GAK: variants seen among roughly 807,000 people sequenced by gnomAD.
GAK encodes cyclin G associated kinase, also known as cyclin-G-associated kinase.
Under a neutral mutation model 143.9 loss-of-function variants are expected in GAK, and 79 were observed. That is an observed-to-expected ratio of 0.55 (90% confidence interval 0.46 to 0.66). GAK has a LOEUF of 0.66. GAK is among the 30% of genes least tolerant of loss of function. The probability of loss-of-function intolerance (pLI) is 0.00; values close to 1 mark genes in which losing one functional copy is unlikely to be tolerated. For synonymous variants in GAK, 881 were observed against 765.5 expected (o/e 1.15, Z -2.49); for missense variants, 1,693 against 1,779.7 (o/e 0.95, Z 0.88).
intron 3 of GAK, chr4:912,276 C>G: frequency 4.8e-6 from 2 of 415,648 alleles, no homozygotes; most frequent in Non-Finnish European, 1.0e-5. Flanking sequence ...GCCCCCAGAT[C>G]CTCTGTCAGC....
rs540318375 is a variant in GAK, at chr4:896,320, A to G, written c.741+140T>C. Reference sequence around the variant, plus strand: ...AGCCACAGTGATTCTTAAGGAAAGGAAAAAGAAAAGGGGACGGGAGGGGAA... The same window carrying G: ...AGCCACAGTGATTCTTAAGGAAAGGGAAAAGAAAAGGGGACGGGAGGGGAA... On this transcript the variant is annotated intron_variant, in intron 7 of 27. Coordinates refer to ENST00000314167, the MANE Select transcript of GAK (RefSeq NM_005255.4). 653 of 663,800 alleles carry G rather than the reference A, an allele frequency of 9.8e-4. 1 individual carries two copies. Among genetic ancestry groups the G allele is most frequent in the Non-Finnish European group, 1.5e-3 (568 of 378,098 alleles). 41.1% of individuals were successfully genotyped at this position (663,800 alleles called of 1,614,324 possible).
At chr4:874,715 C>T (rs1560328195) in intron 18 of GAK, among the ~76,000 whole-genome samples, 1 of 150,910 alleles carries the variant, frequency 6.6e-6, no homozygotes, top group South Asian at 2.1e-4. Context: ...AGCTTGATTT[C>T]GTGGTTCTGA....
chr4:864,168 G>T (rs917394067), intron 23 of GAK, among the ~76,000 whole-genome samples: 1 of 152,142 alleles, frequency 6.6e-6, no homozygotes. Flanking sequence ...AGACCAGCCT[G>T]AGCAACATGG....
chr4:873,847 C>T (rs1713232938), intron 18 of GAK, among the ~76,000 whole-genome samples: 2 of 152,144 alleles, frequency 1.3e-5, no homozygotes, highest in Admixed American at 1.3e-4. Context: ...GTTTTTAATC[C>T]AGCCCGATTA....
rs765286527 is a variant in GAK, at chr4:877,706, T to G, written c.1765A>C (p.Ser589Arg). 6.2e-7 allele frequency: 1 copy of G among 1,613,464 alleles called. No homozygotes were observed. Among genetic ancestry groups the G allele is most frequent in the Admixed American group, 1.7e-5 (1 of 59,936 alleles). The change falls in exon 16 of 28, where the codon AGC becomes CGC. Residue 589 changes from serine to arginine, a missense_variant. Transcript: ENST00000314167. Reference sequence around the variant, plus strand: ...GGCCTGCAGCCGCTCCTCTGCTTGCTGAACAGCGGCACGGGTGTCATGACC... The same window carrying G: ...GGCCTGCAGCCGCTCCTCTGCTTGCGGAACAGCGGCACGGGTGTCATGACC... ...AVVMTPVPLF[S>R]KQRSGCRPFC...
chr4:906,998 C>T (rs3775114), intron 4 of GAK, among the ~76,000 whole-genome samples: 46,142 of 152,176 alleles, frequency 0.3, 7,093 homozygotes, highest in Non-Finnish European at 0.33. Context: ...CATTCTCTCC[C>T]TGGCTCTTCG....
rs147659460 is a variant in GAK, at chr4:883,319, T to C, written c.1400A>G (p.Asn467Ser). The C allele has an allele frequency of 5.3e-5, 85 of 1,612,904 alleles. 2 individuals carry two copies. The Middle Eastern group carries it at 9.9e-4, about 19-fold the overall frequency. The change falls in exon 13 of 28, where the codon AAC (asparagine) becomes AGC (serine). Residue 467 changes from asparagine (N) to serine (S), a missense_variant. Asn to Ser is a conservative substitution (Grantham distance 46). This residue lies in a region of GAK where 871 missense variants were observed against 991.0 expected (regional missense o/e 0.88). Transcript: ENST00000314167. ...PRTYRPSRFHNRVSECGWAAR... is the reference protein window; with the variant it reads ...PRTYRPSRFHSRVSECGWAAR... ...ACAAAGCCTGTGGCCACACACCCGGTTGTGGAACCTGGAGGGCCGGTAGGT... is the reference window on the plus strand; with the variant it reads ...ACAAAGCCTGTGGCCACACACCCGGCTGTGGAACCTGGAGGGCCGGTAGGT...
intron 1 of GAK, among the ~76,000 whole-genome samples, chr4:914,760 A>G (rs1186282837): frequency 2.5e-4 from 20 of 80,628 alleles, no homozygotes; most frequent in African/African-American, 9.6e-4. Flanking sequence ...ACACAGCCCC[A>G]GCATACACGG....
In GAK at chr4:932,135, C is replaced by A. The variant is rs753970369; in HGVS notation, c.53G>T (p.Gly18Val). 2.5e-6 allele frequency: 4 copies of A among 1,587,932 alleles called. No individual in the cohort carries two copies. The highest frequency in any genetic ancestry group is 1.7e-4 in the Middle Eastern group (1 of 5,980). ...ACTCTGGTCGCGGCCGGAAGCACCG[C>A]CCAGGGAGCCTGGACCCGCCAAGAA... ...LDFLAGPGSL[G>V]GASGRDQSDF... is the part of the protein sequence containing the mutation. The change falls in exon 1 of 28, where the codon GGC becomes GTC. Residue 18 changes from glycine (G) to valine (V), a missense_variant. Transcript: ENST00000314167. This position sits in a 1 kb window ranked among gnomAD's most constrained non-coding sequence, Gnocchi z 4.0.
chr4:859,184 C>A, intron 24 of GAK: 1 of 985,378 alleles, frequency 1.0e-6, no homozygotes, highest in Non-Finnish European at 1.2e-6. Context: ...AGCGCCCGGG[C>A]CGGGCCTGAG....
Position 851,795 on chromosome 4 carries a change from C to T in GAK, c.3463G>A (p.Val1155Met). 1 of 1,612,646 alleles carries T rather than the reference C, an allele frequency of 6.2e-7. No homozygotes were observed. The highest frequency in any genetic ancestry group is 8.5e-7 in the Non-Finnish European group (1 of 1,179,370). ...PRPNYASNFS[V>M]IGAREERGVR... ...CCCCGCTCCTCCCGCGCCCCGATCA[C>T]ACTGAAGTTCGAGGCATAGTTAGGC... The change falls in exon 25 of 28, where the codon GTG becomes ATG. Residue 1155 changes from valine to methionine, a missense_variant. Val to Met is a conservative substitution (Grantham distance 21). Around this residue, in one of 2 missense-constraint regions of GAK, gnomAD observed 822 missense variants for 788.7 expected, o/e 1.04. Coordinates refer to ENST00000314167, the MANE Select transcript of GAK (RefSeq NM_005255.4).
intron 20 of GAK, 133 bp from the exon 21 acceptor site, chr4:867,565 C>A: frequency 2.8e-6 from 1 of 355,572 alleles, no homozygotes. Context: ...AGGGTCCCCA[C>A]GGCGCGTCCC....
rs756599403 is a variant in GAK, at chr4:890,599, G to A, written c.1014C>T (p.Tyr338=). 14 of 1,611,204 alleles carry A rather than the reference G, an allele frequency of 8.7e-6. No homozygotes were observed. Among genetic ancestry groups the A allele is most frequent in the East Asian group, 4.5e-5 (2 of 44,782 alleles). The change falls in exon 10 of 28, where the codon TAC becomes TAT. Residue 338 remains tyrosine (Y), a synonymous_variant. Transcript: ENST00000314167. The part of the protein sequence containing the change: ...ITELLEQNGG[Y]GSATLSRGPP... ...GCCCTCGGGACAGTGTGGCGCTCCCGTAGCCTCCATTCTGCTCCAGGAGCT... is the reference window on the plus strand; with the variant it reads ...GCCCTCGGGACAGTGTGGCGCTCCCATAGCCTCCATTCTGCTCCAGGAGCT...
intron 5 of GAK, among the ~76,000 whole-genome samples, chr4:899,147 G>A (rs1050125387): frequency 2.0e-5 from 3 of 152,248 alleles, no homozygotes; most frequent in South Asian, 2.1e-4. Context: ...CATGTGGAAC[G>A]AAAGGAGAAA....
intron 1 of GAK, among the ~76,000 whole-genome samples, chr4:928,541 T>C (rs1257992528): frequency 6.6e-6 from 1 of 152,090 alleles, no homozygotes; most frequent in Admixed American, 6.6e-5. Context: ...TAAAAGAAAA[T>C]GATCTCAAGT....
rs1221264983 is a variant in GAK, at chr4:920,905, T to C, written c.146-7237A>G. 5.9e-5 allele frequency among the ~76,000 whole-genome samples: 9 copies of C among 152,322 alleles called. No individual in the cohort carries two copies. The East Asian group carries it at 1.5e-3, about 26-fold the overall frequency. On this transcript the variant is annotated intron_variant, in intron 1 of 27. Transcript: ENST00000314167. ...GATAGTAGGACATAGGTGTTCGTTA[T>C]GTTACTGTATTTTTCTGCATTTTAA...
chr4:919,617 C>T (rs903682110), intron 1 of GAK, among the ~76,000 whole-genome samples: 11 of 152,250 alleles, frequency 7.2e-5, no homozygotes, highest in South Asian at 6.2e-4. Context: ...TGCTCCCTTG[C>T]GTCCCTCAGG....
chr4:924,816 G>A lies in GAK; in HGVS notation c.145+7227C>T, dbSNP rs562112304. Among the ~76,000 whole-genome samples, 15 of 123,830 alleles carry A rather than the reference G, an allele frequency of 1.2e-4. No homozygotes were observed. The East Asian group carries it at 2.4e-3, about 20-fold the overall frequency. The allele number at this position is 123,830 out of a possible 152,430, so 81.2% of individuals were successfully genotyped here. On this transcript the variant is annotated intron_variant, in intron 1 of 27. Coordinates refer to ENST00000314167, the MANE Select transcript of GAK (RefSeq NM_005255.4). Reference sequence around the variant, plus strand: ...CTCTCCTGTGAGATCTGATTGGGTCGTGGGGGTGGAGTTCCCCCGGGGGGC... The same window carrying A: ...CTCTCCTGTGAGATCTGATTGGGTCATGGGGGTGGAGTTCCCCCGGGGGGC...
chr4:882,938 G>C, intron 13 of GAK, 119 bp from the exon 14 acceptor site: 1 of 1,277,876 alleles, frequency 7.8e-7, no homozygotes, highest in Non-Finnish European at 1.1e-6. Flanking sequence ...TCATGAACAG[G>C]CGTCCACCTG....
Sources: allele counts gnomAD v4.1 joint callset (sites outside exome capture counted in the v4.1 genomes callset), GRCh38; gene constraint gnomAD v4.1.1; regional missense constraint gnomAD v4.1.1; non-coding constraint Gnocchi (gnomAD v3.1); transcripts MANE v1.5; gene names NCBI Gene and HGNC (gene_info 2026-07-23, HGNC 2026-07-21).